Variants in CTDSPL2 observed in about 807,000 individuals in gnomAD.
The protein encoded by CTDSPL2 is CTD small phosphatase-like protein 2.
In CTDSPL2, 5 loss-of-function variants were observed where a neutral mutation model predicts 60.0. The ratio of observed to expected loss-of-function variants is 0.08; its 90% CI spans 0.04 to 0.18. CTDSPL2 has a LOEUF of 0.18. Among genes scored for constraint, CTDSPL2 ranks in the 10% least tolerant of loss-of-function variants. The pLI, the probability that CTDSPL2 is intolerant of heterozygous loss-of-function variation, is 1.00. For missense variants in CTDSPL2, 370 were observed against 548.8 expected, an observed-to-expected ratio of 0.67 and a Z score of 3.26; for synonymous variants, 186 against 189.3, an observed-to-expected ratio of 0.98 and a Z score of 0.14.
chr15:44,497,555 A>G (rs2081321821), intron 7 of CTDSPL2, among the ~76,000 whole-genome samples: 1 of 152,032 alleles, frequency 6.6e-6, no homozygotes, highest in African/African-American at 2.4e-5. Flanking sequence ...TATTTTTTGT[A>G]GAGACGGGGT....
intron 1 of CTDSPL2, among the ~76,000 whole-genome samples, chr15:44,446,986 C>T (rs889192812): frequency 6.6e-6 from 1 of 151,776 alleles, no homozygotes; most frequent in Non-Finnish European, 1.5e-5. Context: ...AACTCCAGAC[C>T]TCGTGAGCCA....
At chr15:44,432,080 G>A (rs1182881673) in intron 1 of CTDSPL2, among the ~76,000 whole-genome samples, 1 of 151,910 alleles carries the variant, frequency 6.6e-6, no homozygotes, top group African/African-American at 2.4e-5. Context: ...GAATATAGGA[G>A]CATTGTCTCG....
intron 1 of CTDSPL2, chr15:44,448,857 T>G (rs2080275117): frequency 2.5e-6 from 1 of 397,638 alleles, no homozygotes; most frequent in African/African-American, 2.2e-5. Flanking sequence ...TTACCTGCGT[T>G]GGTCTATCAC....
At chr15:44,451,567 A>G (rs1167847256) in intron 1 of CTDSPL2, among the ~76,000 whole-genome samples, 3 of 152,178 alleles carry the variant, frequency 2.0e-5, no homozygotes, top group African/African-American at 7.2e-5. Context: ...AGCCTGGCAC[A>G]TGATTAATAT....
intron 11 of CTDSPL2, 167 bp from the exon 12 acceptor site, chr15:44,521,144 C>T: frequency 2.5e-6 from 1 of 392,314 alleles, no homozygotes; most frequent in Non-Finnish European, 4.5e-6. Flanking sequence ...TCCTTATCCT[C>T]TGTCTCTTGC....
intron 6 of CTDSPL2, among the ~76,000 whole-genome samples, chr15:44,496,794 G>GAGGTTAC (rs1398496727): frequency 6.6e-6 from 1 of 152,190 alleles, no homozygotes; most frequent in Non-Finnish European, 1.5e-5. Flanking sequence ...CCAGGAGGCA[G>GAGGTTAC]AGGTTACAGT....
chr15:44,447,004 C>T (rs1344847109), intron 1 of CTDSPL2, among the ~76,000 whole-genome samples: 2 of 152,088 alleles, frequency 1.3e-5, no homozygotes, highest in Non-Finnish European at 2.9e-5. Context: ...CCACTGCACC[C>T]AGCCTGGTAA....
intron 4 of CTDSPL2, among the ~76,000 whole-genome samples, chr15:44,487,302 A>G (rs2081138053): frequency 6.6e-6 from 1 of 152,088 alleles, no homozygotes; most frequent in African/African-American, 2.4e-5. Context: ...AAAAAATGTA[A>G]AAATTATTTG....
intron 3 of CTDSPL2, 136 bp downstream of exon 3, chr15:44,484,498 G>A: frequency 1.2e-6 from 1 of 812,542 alleles, no homozygotes; most frequent in South Asian, 1.7e-5. Flanking sequence ...ATTTTGGGAG[G>A]CCGAGGTCGG....
chr15:44,473,392 T>C (rs368273475), intron 2 of CTDSPL2, among the ~76,000 whole-genome samples: 135 of 152,030 alleles, frequency 8.9e-4, no homozygotes, highest in African/African-American at 3.2e-3. Flanking sequence ...ACCTCCCGGG[T>C]TCACGCCATT....
At chr15:44,447,868 G>A (rs574417568) in intron 1 of CTDSPL2, 1 of 153,832 alleles carries the variant, frequency 6.5e-6, no homozygotes, top group South Asian at 2.0e-4. Flanking sequence ...GAGTTTAAGT[G>A]GGCGCAGTCA....
intron 2 of CTDSPL2, 80 bp from the exon 3 acceptor site, chr15:44,484,144 G>T: frequency 1.6e-6 from 2 of 1,242,518 alleles, no homozygotes; most frequent in Non-Finnish European, 2.2e-6. Context: ...ATATTATACC[G>T]TATTTTTTCA....
At chr15:44,516,121 C>T (rs1743887570) in intron 10 of CTDSPL2, among the ~76,000 whole-genome samples, 2 of 151,696 alleles carry the variant, frequency 1.3e-5, no homozygotes, top group Admixed American at 6.6e-5. Context: ...TGTGTGCCAC[C>T]ACACCTGGCT....
chr15:44,434,474 G>T lies in CTDSPL2; in HGVS notation c.-25+6702G>T, dbSNP rs574344834. 5.9e-5 allele frequency among the ~76,000 whole-genome samples: 9 copies of T among 152,320 alleles called. No individual in the cohort carries two copies. In the East Asian group the frequency reaches 1.7e-3, roughly 29 times the overall value. Reference sequence around the variant, plus strand: ...AATGGCACAGTCACAGTTTACTGCAGCCTTCACCTCCTGGGCTCAAGCGAT... The same window carrying T: ...AATGGCACAGTCACAGTTTACTGCATCCTTCACCTCCTGGGCTCAAGCGAT... On this transcript the variant is annotated intron_variant, in intron 1 of 12. Coordinates refer to ENST00000260327, the MANE Select transcript of CTDSPL2 (RefSeq NM_016396.3).
rs76388402 is a variant in CTDSPL2 at position 44,479,081 on chromosome 15, A to C, written c.187-5143A>C. ...CTTTAAAAAAAAACAAACAAACAAA[A>C]AAAAAAAAACAAGTTTTCTCCCTTG... On this transcript the variant is annotated intron_variant, in intron 2 of 12. Transcript: ENST00000260327. Among the ~76,000 whole-genome samples, 1,097 of 152,102 alleles carry C rather than the reference A, an allele frequency of 7.2e-3. 4 individuals carry two copies. Among genetic ancestry groups the C allele is most frequent in the African/African-American group, 0.019 (776 of 41,502 alleles).
In CTDSPL2 at chr15:44,528,607, T is replaced by C. The variant is rs908581637; in HGVS notation, c.*4433T>C. 3.9e-5 allele frequency: 6 copies of C among 152,154 alleles called. No individual in the cohort carries two copies. The highest frequency in any genetic ancestry group is 3.3e-4 in the Admixed American group (5 of 15,280). 9.4% of individuals were successfully genotyped at this position (152,154 alleles called of 1,614,324 possible). A position where few individuals can be genotyped will look rare whatever the true frequency, so the allele number is the denominator to read the frequency against. On this transcript the variant is annotated 3_prime_UTR_variant, in exon 13 of 13. Transcript: ENST00000260327. ...TAAGGCTACTGCTCATTATCATTTT[T>C]GTCTTTCATATTTTTTAAGGGTTTG...
At position 44,524,745 on chromosome 15, in the gene CTDSPL2, A is replaced by T. The variant is rs932185326; in HGVS notation, c.*571A>T. The T allele has an allele frequency of 2.6e-5, 4 of 152,640 alleles. No homozygotes were observed. Among genetic ancestry groups the T allele is most frequent in the African/African-American group, 9.7e-5 (4 of 41,440 alleles). The allele number at this position is 152,640 out of a possible 1,614,324, so 9.5% of individuals were successfully genotyped here. ...AGTTTTCTGGAGATAGTCAATTTTT[A>T]GTTTTTTATTATACATTTGAATGGC... On this transcript the variant is annotated 3_prime_UTR_variant, in exon 13 of 13. Coordinates refer to ENST00000260327, the MANE Select transcript of CTDSPL2 (RefSeq NM_016396.3).
chr15:44,437,355 G>A (rs2079998831), intron 1 of CTDSPL2, among the ~76,000 whole-genome samples: 1 of 152,148 alleles, frequency 6.6e-6, no homozygotes, highest in Non-Finnish European at 1.5e-5. Context: ...AGAAATGTGT[G>A]CATTCAAGAC....
chr15:44,440,025 T>C (rs1235950427), intron 1 of CTDSPL2, among the ~76,000 whole-genome samples: 1 of 152,166 alleles, frequency 6.6e-6, no homozygotes, highest in Non-Finnish European at 1.5e-5. Context: ...CCTGGAGTTT[T>C]CTGTGTTGGA....
Sources: gnomAD v4.1 joint callset for allele counts (sites outside exome capture counted in the v4.1 genomes callset) on GRCh38, gnomAD v4.1.1 for gene constraint, MANE v1.5 for transcripts, NCBI Gene and HGNC (gene_info 2026-07-23, HGNC 2026-07-21) for gene names.